The following PAPPA variants were observed in gnomAD, a reference collection of about 807,000 sequenced individuals.
PAPPA encodes pappalysin-1.
PAPPA carries 60 observed loss-of-function variants against 164.0 expected under a neutral mutation model. The ratio of observed to expected loss-of-function variants is 0.37; its 90% CI spans 0.30 to 0.45. The LOEUF is 0.45. Ranked by LOEUF, PAPPA falls within the 20% of genes least tolerant of loss-of-function variation. PAPPA has a pLI of 1.00. For synonymous variants in PAPPA, 875 were observed against 814.1 expected (o/e 1.07, Z -1.27); for missense variants, 1,782 against 2,087.3 (o/e 0.85, Z 2.85).
intron 7 of PAPPA, among the ~76,000 whole-genome samples, chr9:116,240,165 C>T (rs1415379195): frequency 1.3e-5 from 2 of 152,212 alleles, no homozygotes; most frequent in Non-Finnish European, 2.9e-5. Context: ...TGGTCTGTCT[C>T]ATTCATCCAT....
rs576109706 is a variant in PAPPA at position 116,295,548 on chromosome 9, G to C, written c.2954-7209G>C. Among the ~76,000 whole-genome samples the C allele has an allele frequency of 1.7e-4, 17 of 99,574 alleles. No individual in the cohort carries two copies. In the Admixed American group the frequency reaches 1.9e-3, roughly 11 times the overall value. The allele number at this position is 99,574 out of a possible 152,430, so 65.3% of individuals were successfully genotyped here. The stretch of plus-strand genomic sequence containing the variant: ...CAGCCTGGGCAACAGAGCGAGACTC[G>C]GTCTCAAAAAAAAAAAAAAAAAGAA... On this transcript the variant is annotated intron_variant, in intron 9 of 21. Transcript: ENST00000328252.
intron 21 of PAPPA, among the ~76,000 whole-genome samples, chr9:116,386,881 GCATC>G (rs1846821515): frequency 6.6e-6 from 1 of 152,116 alleles, no homozygotes. Flanking sequence ...TTTCCCGTGG[GCATC>G]CACAGAACAG....
chr9:116,229,568 G>A (rs1287572980), intron 6 of PAPPA, among the ~76,000 whole-genome samples: 10 of 152,236 alleles, frequency 6.6e-5, no homozygotes, highest in African/African-American at 2.4e-4. Context: ...TGTAAAACAA[G>A]GTAGAGGTGG....
At chr9:116,377,694 C>CTGT (rs762541722) in intron 20 of PAPPA, 47 bp downstream of exon 20, 1 of 1,346,266 alleles carries the variant, frequency 7.4e-7, no homozygotes, top group Non-Finnish European at 1.1e-6. Context: ...AATAATCCTG[C>CTGT]TGTTGTTATT....
In PAPPA at chr9:116,398,255, T is replaced by A; in HGVS notation, c.*1639T>A. ...TACAGGATGAACTGGAGAGAAGGGT[T>A]GAGTGTGGCATACTTTCTGAAACCT... On this transcript the variant is annotated 3_prime_UTR_variant, in exon 22 of 22. Transcript: ENST00000328252. The A allele has an allele frequency of 5.1e-6, 1 of 196,796 alleles. No individual in the cohort carries two copies. Among genetic ancestry groups the A allele is most frequent in the Non-Finnish European group, 1.0e-5 (1 of 95,554 alleles). 12.2% of individuals were successfully genotyped at this position (196,796 alleles called of 1,614,324 possible).
intron 9 of PAPPA, among the ~76,000 whole-genome samples, chr9:116,289,380 G>T: frequency 7.2e-6 from 1 of 139,658 alleles, no homozygotes; most frequent in African/African-American, 2.7e-5. Flanking sequence ...CATATATATA[G>T]CATATGTATA....
chr9:116,349,124 T>C (rs915178600), intron 15 of PAPPA, among the ~76,000 whole-genome samples: 7 of 151,776 alleles, frequency 4.6e-5, no homozygotes, highest in African/African-American at 1.7e-4. Context: ...TTACCAAGTC[T>C]ACCCCCCTGC....
intron 21 of PAPPA, among the ~76,000 whole-genome samples, chr9:116,394,195 C>T (rs964328341): frequency 4.6e-5 from 7 of 151,786 alleles, no homozygotes; most frequent in South Asian, 4.2e-4. Context: ...GGAAGGTGGG[C>T]GGTGGGGGAC....
In PAPPA at chr9:116,154,645, G is replaced by A; in HGVS notation, c.415+58G>A. The A allele has an allele frequency of 7.9e-7, 1 of 1,270,840 alleles. No homozygotes were observed. The highest frequency in any genetic ancestry group is 9.9e-7 in the Non-Finnish European group (1 of 1,007,624). The allele number at this position is 1,270,840 out of a possible 1,614,324, so 78.7% of individuals were successfully genotyped here. Reference sequence around the variant, plus strand: ...GTCCCTGCGGCCCCAGAGGCTCGCGGGTGTCTGGGCGCGGGTGGCGGGCGG... The same window carrying A: ...GTCCCTGCGGCCCCAGAGGCTCGCGAGTGTCTGGGCGCGGGTGGCGGGCGG... On this transcript the variant is annotated intron_variant, in intron 1 of 21. Transcript: ENST00000328252. This position sits in a 1 kb window ranked among gnomAD's most constrained non-coding sequence, Gnocchi z 5.2.
At chr9:116,222,505 A>C (rs963414800) in intron 5 of PAPPA, among the ~76,000 whole-genome samples, 2 of 152,226 alleles carry the variant, frequency 1.3e-5, no homozygotes, top group African/African-American at 4.8e-5. Context: ...ATGGAATACT[A>C]TTCAGCCTTA....
intron 18 of PAPPA, among the ~76,000 whole-genome samples, chr9:116,367,420 C>T (rs1846515249): frequency 6.6e-6 from 1 of 152,142 alleles, no homozygotes; most frequent in Non-Finnish European, 1.5e-5. Flanking sequence ...GGGTCAGAGC[C>T]AATGAGTGTG....
At chr9:116,178,942 G>T (rs1338371072) in intron 1 of PAPPA, among the ~76,000 whole-genome samples, 1 of 152,206 alleles carries the variant, frequency 6.6e-6, no homozygotes, top group Non-Finnish European at 1.5e-5. Context: ...GAGCCAGAGG[G>T]AATTACAGTT....
At chr9:116,231,929 T>A (rs1330851319) in intron 6 of PAPPA, among the ~76,000 whole-genome samples, 1 of 151,422 alleles carries the variant, frequency 6.6e-6, no homozygotes, top group Non-Finnish European at 1.5e-5. Flanking sequence ...ACCGAGGTAA[T>A]TTTGTATTTT....
At chr9:116,216,619 C>T (rs752744090) in intron 4 of PAPPA, among the ~76,000 whole-genome samples, 19 of 152,328 alleles carry the variant, frequency 1.2e-4, no homozygotes, top group South Asian at 8.3e-4. Context: ...TGACTCTAGA[C>T]ATTAGCTAAT....
chr9:116,310,962 T>C (rs181805277), intron 10 of PAPPA, among the ~76,000 whole-genome samples: 1 of 152,236 alleles, frequency 6.6e-6, no homozygotes, highest in Admixed American at 6.5e-5. Flanking sequence ...GTTTTCCTTC[T>C]GGTAGCAACC....
In PAPPA at chr9:116,347,085, T is replaced by C. The variant is rs764433602; in HGVS notation, c.3840T>C (p.Cys1280=). 7 of 1,614,214 alleles carry C rather than the reference T, an allele frequency of 4.3e-6. No individual in the cohort carries two copies. In the South Asian group the frequency reaches 7.7e-5, roughly 18 times the overall value. ...GCAAGTGGAATAAGCAGGTGGCCTG[T>C]GAGCCAGTCGACTGCAGCATCCCAG... ...TEGKWNKQVA[C]EPVDCSIPDH... is the part of the protein sequence containing the mutation. Residue 1280 remains cysteine, a synonymous_variant, in exon 15 of 22, where the codon TGT becomes TGC. Transcript: ENST00000328252. The surrounding 1 kb of genome is among the most constrained non-coding windows in gnomAD (Gnocchi z 4.5).
At chr9:116,360,560 C>T (rs1846412691) in intron 17 of PAPPA, among the ~76,000 whole-genome samples, 1 of 152,186 alleles carries the variant, frequency 6.6e-6, no homozygotes, top group Non-Finnish European at 1.5e-5. Flanking sequence ...TTCATTTTCT[C>T]ATACATTCAT....
Position 116,365,551 on chromosome 9 carries a change from G to GTTTTTTT in PAPPA, c.4496-2085_4496-2079dup, listed in dbSNP as rs56204027. On this transcript the variant is annotated intron_variant, in intron 18 of 21. Transcript: ENST00000328252. ...GCAAGTGTCTCCTGTTTTGACAACCGTTTTTTTTTTTTTTTCCTCTCTTGG... is the reference window on the plus strand; with the variant it reads ...GCAAGTGTCTCCTGTTTTGACAACCGTTTTTTTTTTTTTTTTTTTTTTCCTCTCTTGG... 1.6e-4 allele frequency among the ~76,000 whole-genome samples: 16 copies of GTTTTTTT among 101,486 alleles called. 4 individuals are homozygous for GTTTTTTT. The highest frequency in any genetic ancestry group is 2.0e-4 in the Admixed American group (2 of 9,846). The allele number at this position is 101,486 out of a possible 152,430, so 66.6% of individuals were successfully genotyped here.
At chr9:116,213,393 T>A (rs1291557313) in intron 4 of PAPPA, among the ~76,000 whole-genome samples, 1 of 152,012 alleles carries the variant, frequency 6.6e-6, no homozygotes, top group Non-Finnish European at 1.5e-5. Flanking sequence ...TCTGGTACCA[T>A]AAAGAGTCTT....
Sources: gnomAD v4.1 joint callset for allele counts (sites outside exome capture counted in the v4.1 genomes callset) on GRCh38, gnomAD v4.1.1 for gene constraint, Gnocchi (gnomAD v3.1) non-coding constraint, MANE v1.5 for transcripts, NCBI Gene and HGNC (gene_info 2026-07-23, HGNC 2026-07-21) for gene names.